Variants in LRMDA observed in about 807,000 individuals in gnomAD.
LRMDA encodes the protein leucine rich melanocyte differentiation associated, also known as leucine-rich melanocyte differentiation-associated protein.
A neutral mutation model predicts 29.8 loss-of-function variants in LRMDA; 18 were observed. The observed-to-expected ratio is 0.60, with a 90% CI of 0.42 to 0.90. The LOEUF (loss-of-function observed/expected upper bound fraction) is 0.90, where lower values mean the gene tolerates loss of function less well. LRMDA is among the 40% of genes least tolerant of loss of function. The pLI, the probability that LRMDA is intolerant of heterozygous loss-of-function variation, is 0.00. For synonymous variants in LRMDA, 125 were observed against 109.4 expected (o/e 1.14, Z -0.89); for missense variants, 273 against 273.9 (o/e 1.00, Z 0.02).
At chr10:75,960,911 G>A (rs562404571) in intron 2 of LRMDA, among the ~76,000 whole-genome samples, 14 of 151,842 alleles carry the variant, frequency 9.2e-5, no homozygotes, top group South Asian at 2.1e-4. Flanking sequence ...CACCACACCC[G>A]GCCTGGTTTT....
At chr10:76,146,429 C>G (rs1223602839) in intron 5 of LRMDA, among the ~76,000 whole-genome samples, 1 of 151,082 alleles carries the variant, frequency 6.6e-6, no homozygotes, top group Non-Finnish European at 1.5e-5. Context: ...TGAATTGATC[C>G]CTTTACCATT....
chr10:75,983,950 C>T (rs779875680), intron 2 of LRMDA, among the ~76,000 whole-genome samples: 48 of 152,276 alleles, frequency 3.2e-4, no homozygotes, highest in Non-Finnish European at 5.0e-4. Context: ...TTACCACGCC[C>T]GGCCCCCAGT....
chr10:75,864,661 TTTTACAA>T (rs1463846998), intron 2 of LRMDA, among the ~76,000 whole-genome samples: 4 of 152,224 alleles, frequency 2.6e-5, no homozygotes, highest in African/African-American at 4.8e-5. Flanking sequence ...AACATTTGCT[TTTTACAA>T]TTTACAATTT....
intron 6 of LRMDA, among the ~76,000 whole-genome samples, chr10:76,494,341 T>A (rs906020431): frequency 3.3e-4 from 50 of 149,478 alleles, no homozygotes; most frequent in South Asian, 1.9e-3. Flanking sequence ...TTTTTTTTTT[T>A]AAATGACTGT....
At chr10:76,426,403 T>C (rs1011374916) in intron 6 of LRMDA, among the ~76,000 whole-genome samples, 6 of 152,252 alleles carry the variant, frequency 3.9e-5, no homozygotes, top group Non-Finnish European at 8.8e-5. Context: ...ATGTCTTCTT[T>C]TGAGAAGTGT....
chr10:76,421,157 C>T (rs1055126762), intron 6 of LRMDA, among the ~76,000 whole-genome samples: 1 of 152,118 alleles, frequency 6.6e-6, no homozygotes, highest in Admixed American at 6.5e-5. Flanking sequence ...TGAAATTCTC[C>T]TTTTTGTCCC....
chr10:76,380,227 G>T (rs1841573062), intron 6 of LRMDA, among the ~76,000 whole-genome samples: 3 of 152,116 alleles, frequency 2.0e-5, no homozygotes, highest in Admixed American at 6.5e-5. Context: ...AGGTTGATTT[G>T]ATCTAGAGTT....
intron 2 of LRMDA, among the ~76,000 whole-genome samples, chr10:75,989,118 C>T (rs976162458): frequency 7.2e-5 from 11 of 152,124 alleles, no homozygotes; most frequent in Non-Finnish European, 1.5e-4. Context: ...GGGTCCCATC[C>T]GTTGTAGTCA....
intron 6 of LRMDA, among the ~76,000 whole-genome samples, chr10:76,492,381 T>C (rs1842841751): frequency 6.6e-6 from 1 of 152,038 alleles, no homozygotes; most frequent in African/African-American, 2.4e-5. Flanking sequence ...AGTGTTGTAA[T>C]CTAAGCCATA....
At chr10:75,557,307 CTG>C (rs893844891) in intron 2 of LRMDA, among the ~76,000 whole-genome samples, 2 of 128,578 alleles carry the variant, frequency 1.6e-5, no homozygotes, top group African/African-American at 5.2e-5. Flanking sequence ...GAGCGAGACT[CTG>C]TCTCAATTAA....
At chr10:75,678,856 G>C (rs1841991737) in intron 2 of LRMDA, among the ~76,000 whole-genome samples, 1 of 152,170 alleles carries the variant, frequency 6.6e-6, no homozygotes, top group African/African-American at 2.4e-5. Flanking sequence ...GTGATTTCCA[G>C]TCTTGTTAAG....
chr10:76,412,601 C>T (rs1023992134), intron 6 of LRMDA, among the ~76,000 whole-genome samples: 2 of 152,128 alleles, frequency 1.3e-5, no homozygotes, highest in African/African-American at 4.8e-5. Flanking sequence ...AGTGTCCTTA[C>T]ATACAAAGCA....
intron 5 of LRMDA, among the ~76,000 whole-genome samples, chr10:76,134,965 G>T (rs1564662227): frequency 1.3e-5 from 2 of 152,184 alleles, no homozygotes; most frequent in African/African-American, 2.4e-5. Context: ...ATACCCAGGA[G>T]AATATTTCTG....
intron 2 of LRMDA, among the ~76,000 whole-genome samples, chr10:75,824,905 G>A (rs904390153): frequency 3.3e-5 from 5 of 152,186 alleles, no homozygotes; most frequent in Non-Finnish European, 7.3e-5. Flanking sequence ...TGACTTAAGA[G>A]GTCCAGTGAC....
At chr10:75,840,318 A>C (rs376117969) in intron 2 of LRMDA, among the ~76,000 whole-genome samples, 1 of 152,208 alleles carries the variant, frequency 6.6e-6, no homozygotes, top group East Asian at 1.9e-4. Context: ...TTGTGAAATG[A>C]AGATGGTAAT....
At chr10:75,551,676 T>C (rs564848774) in intron 2 of LRMDA, among the ~76,000 whole-genome samples, 2 of 152,298 alleles carry the variant, frequency 1.3e-5, no homozygotes, top group Admixed American at 6.5e-5. Context: ...TCCGTTTTTA[T>C]GGCTGCATAG....
rs746457095 is a variant in LRMDA, at chr10:76,344,419, G to A, written c.601+19934G>A. ...TTCTTGACATTAAGAACAGACATTCGTATTATTTTTAAGGAAAACTCAAGA... is the reference window on the plus strand; with the variant it reads ...TTCTTGACATTAAGAACAGACATTCATATTATTTTTAAGGAAAACTCAAGA... On this transcript the variant is annotated intron_variant, in intron 6 of 6. Transcript: ENST00000611255. 3.3e-5 allele frequency among the ~76,000 whole-genome samples: 5 copies of A among 151,918 alleles called. No individual in the cohort carries two copies. The East Asian group carries it at 7.7e-4, about 23-fold the overall frequency.
chr10:76,534,101 A>G (rs778991296), intron 6 of LRMDA, among the ~76,000 whole-genome samples: 31 of 152,236 alleles, frequency 2.0e-4, no homozygotes, highest in Non-Finnish European at 4.4e-4. Flanking sequence ...TGTTTGGTAC[A>G]TAGTTGGCCC....
intron 6 of LRMDA, among the ~76,000 whole-genome samples, chr10:76,344,268 C>T (rs1199754601): frequency 6.6e-6 from 1 of 151,978 alleles, no homozygotes; most frequent in African/African-American, 2.4e-5. Flanking sequence ...GAATGAAAAA[C>T]TTCATTTACA....
Sources: gnomAD v4.1 joint callset for allele counts (sites outside exome capture counted in the v4.1 genomes callset) on GRCh38, gnomAD v4.1.1 for gene constraint, MANE v1.5 for transcripts, NCBI Gene and HGNC (gene_info 2026-07-23, HGNC 2026-07-21) for gene names.